Variants in RASGRF2 observed in about 807,000 individuals in gnomAD.
RASGRF2 encodes the protein Ras protein specific guanine nucleotide releasing factor 2, also known as ras-specific guanine nucleotide-releasing factor 2.
Under a neutral mutation model 151.0 loss-of-function variants are expected in RASGRF2, and 76 were observed. The observed-to-expected ratio is 0.50, with a 90% CI of 0.42 to 0.61. The LOEUF is 0.61. RASGRF2 is among the 20% of genes least tolerant of loss of function. RASGRF2 has a pLI of 0.00. For synonymous variants in RASGRF2, 504 were observed against 566.5 expected (o/e 0.89, Z 1.57); for missense variants, 1,148 against 1,564.6 (o/e 0.73, Z 4.49).
At chr5:81,170,380 G>C (rs899033525) in intron 17 of RASGRF2, among the ~76,000 whole-genome samples, 2 of 152,250 alleles carry the variant, frequency 1.3e-5, no homozygotes, top group Non-Finnish European at 2.9e-5. Context: ...ACCCGCTGAT[G>C]GCTTCCCAAT....
chr5:81,139,689 C>T lies in RASGRF2; in HGVS notation c.2686+12526C>T, dbSNP rs566586896. On this transcript the variant is annotated intron_variant, in intron 17 of 26. Coordinates refer to ENST00000265080, the MANE Select transcript of RASGRF2 (RefSeq NM_006909.3). ...CCTTGTCAAGCAGGGGAACTATACA[C>T]TGGTGATGATATAGTTGGTGCTCAT... 7.4e-4 allele frequency among the ~76,000 whole-genome samples: 112 copies of T among 152,120 alleles called. 2 individuals are homozygous for T. The highest frequency in any genetic ancestry group is 2.5e-3 in the African/African-American group (105 of 41,476).
intron 8 of RASGRF2, among the ~76,000 whole-genome samples, chr5:81,086,632 C>T (rs775864518): frequency 1.3e-5 from 2 of 152,140 alleles, no homozygotes; most frequent in Non-Finnish European, 2.9e-5. Context: ...GACCCATTTA[C>T]TGTTTAGAAT....
intron 1 of RASGRF2, among the ~76,000 whole-genome samples, chr5:81,011,752 CA>C (rs10573749): frequency 0.3 from 43,588 of 146,974 alleles, 6,643 homozygotes; most frequent in African/African-American, 0.34. Context: ...AACAAACAAA[CA>C]AAAAAAAAAA....
intron 17 of RASGRF2, among the ~76,000 whole-genome samples, chr5:81,161,727 T>C (rs1250156530): frequency 6.6e-6 from 1 of 152,184 alleles, no homozygotes; most frequent in Admixed American, 6.6e-5. Flanking sequence ...TCTTTCCAGC[T>C]TGTATACAGA....
intron 17 of RASGRF2, among the ~76,000 whole-genome samples, chr5:81,147,253 T>G (rs1561231218): frequency 6.6e-6 from 1 of 152,220 alleles, no homozygotes. Flanking sequence ...TTCCAATTAG[T>G]CAGCTTTCTC....
At chr5:81,107,182 C>T (rs941162913) in intron 12 of RASGRF2, among the ~76,000 whole-genome samples, 1 of 135,348 alleles carries the variant, frequency 7.4e-6, no homozygotes, top group African/African-American at 2.8e-5. Context: ...TAACATAGCA[C>T]GAACCTGTCT....
intron 18 of RASGRF2, among the ~76,000 whole-genome samples, chr5:81,193,870 C>A (rs913611790): frequency 6.6e-6 from 1 of 152,204 alleles, no homozygotes; most frequent in Non-Finnish European, 1.5e-5. Context: ...AGTTTAAAAA[C>A]TCAGGCTTTA....
chr5:80,965,169 C>T (rs1747684429), intron 1 of RASGRF2, among the ~76,000 whole-genome samples: 1 of 151,914 alleles, frequency 6.6e-6, no homozygotes, highest in Non-Finnish European at 1.5e-5. Context: ...CTAAATTGAC[C>T]ACAAGCAGAG....
chr5:81,183,356 T>G (rs971575224), intron 18 of RASGRF2: 1 of 952,682 alleles, frequency 1.0e-6, no homozygotes, highest in African/African-American at 1.8e-5. Context: ...TGAGCTTTAT[T>G]CAGGAGAATT....
At chr5:81,126,084 A>G (rs559098878) in intron 16 of RASGRF2, among the ~76,000 whole-genome samples, 1 of 152,380 alleles carries the variant, frequency 6.6e-6, no homozygotes, top group East Asian at 1.9e-4. Flanking sequence ...TGATTGTGAA[A>G]CATTAGGGCC....
chr5:81,159,962 A>G (rs1211256091), intron 17 of RASGRF2, among the ~76,000 whole-genome samples: 5 of 152,186 alleles, frequency 3.3e-5, no homozygotes, highest in Non-Finnish European at 7.3e-5. Flanking sequence ...ACCCTCTCCC[A>G]GGGATCTTAT....
intron 19 of RASGRF2, among the ~76,000 whole-genome samples, chr5:81,204,491 TCA>T (rs1339865494): frequency 2.0e-5 from 3 of 152,134 alleles, no homozygotes; most frequent in East Asian, 3.8e-4. Flanking sequence ...CCTCCCTGAC[TCA>T]CAGTCTCACA....
intron 1 of RASGRF2, among the ~76,000 whole-genome samples, chr5:80,969,673 G>A (rs13358275): frequency 0.076 from 11,538 of 150,840 alleles, 1,029 homozygotes; most frequent in African/African-American, 0.22. Flanking sequence ...GGATGATCTC[G>A]ATCTCCTGAC....
chr5:81,178,480 T>C (rs1324718436), intron 17 of RASGRF2, among the ~76,000 whole-genome samples: 1 of 152,196 alleles, frequency 6.6e-6, no homozygotes, highest in Non-Finnish European at 1.5e-5. Flanking sequence ...CAATTGGATA[T>C]TGCGTATATG....
chr5:81,075,812 A>C (rs563363560), intron 5 of RASGRF2, among the ~76,000 whole-genome samples: 1 of 152,340 alleles, frequency 6.6e-6, no homozygotes, highest in East Asian at 1.9e-4. Flanking sequence ...TCTGGGCCGA[A>C]GATAGAAATT....
Position 81,070,279 on chromosome 5 carries a change from C to T in RASGRF2, c.544-213C>T, listed in dbSNP as rs1162317924. On this transcript the variant is annotated intron_variant, in intron 3 of 26. Transcript: ENST00000265080. ...CCCAGATCCCCGGTCACACTTTACACAGTCACTTCTTATAAACACTTTCAT... is the reference window on the plus strand; with the variant it reads ...CCCAGATCCCCGGTCACACTTTACATAGTCACTTCTTATAAACACTTTCAT... 11 of 471,446 alleles carry T rather than the reference C, an allele frequency of 2.3e-5. No homozygotes were observed. In the East Asian group the frequency reaches 4.1e-4, roughly 18 times the overall value. 29.2% of individuals were successfully genotyped at this position (471,446 alleles called of 1,614,324 possible).
chr5:81,099,951 A>G (rs1580313166), intron 12 of RASGRF2, among the ~76,000 whole-genome samples: 1 of 129,646 alleles, frequency 7.7e-6, no homozygotes, highest in Admixed American at 9.6e-5. Flanking sequence ...CCTGTCGCCC[A>G]GGCTGGAGTG....
At chr5:81,108,190 G>A (rs934124109) in intron 12 of RASGRF2, among the ~76,000 whole-genome samples, 3 of 152,162 alleles carry the variant, frequency 2.0e-5, no homozygotes, top group Non-Finnish European at 4.4e-5. Context: ...TTTAAAAATT[G>A]ATTATATTTT....
rs781531831 is a variant in RASGRF2 at position 81,225,761 on chromosome 5, C to G, written c.3705C>G (p.Leu1235=). Residue 1235 remains leucine, a synonymous_variant, in exon 27 of 27, where the codon CTC becomes CTG. Coordinates refer to ENST00000265080, the MANE Select transcript of RASGRF2 (RefSeq NM_006909.3). ...YELSLKIEPR[L]PA ...TGTCACTAAAAATTGAACCTCGACT[C>G]CCTGCTTGAAGATCTGGCCTTGCCC... 1 of 1,611,892 alleles carries G rather than the reference C, an allele frequency of 6.2e-7. No individual in the cohort carries two copies. Among genetic ancestry groups the G allele is most frequent in the South Asian group, 1.1e-5 (1 of 90,426 alleles).
Sources: gnomAD v4.1 joint callset for allele counts (sites outside exome capture counted in the v4.1 genomes callset) on GRCh38, gnomAD v4.1.1 for gene constraint, MANE v1.5 for transcripts, NCBI Gene and HGNC (gene_info 2026-07-23, HGNC 2026-07-21) for gene names.